CRLF2: variants seen among roughly 807,000 people sequenced by gnomAD.
The protein encoded by CRLF2 is cytokine receptor-like factor 2.
CRLF2 carries 41 observed loss-of-function variants against 38.7 expected under a neutral mutation model. That is an observed-to-expected ratio of 1.06 (90% CI 0.83 to 1.37). CRLF2 has a LOEUF of 1.37. Among genes scored for constraint, CRLF2 ranks in the 40% most tolerant of loss-of-function variants. The probability of loss-of-function intolerance (pLI) is 0.00; values close to 1 mark genes in which losing one functional copy is unlikely to be tolerated. For synonymous variants in CRLF2, 140 were observed against 128.8 expected (o/e 1.09, Z -0.59); for missense variants, 377 against 322.2 (o/e 1.17, Z -1.30).
chrX:1,192,204 C>CAAAAAAA (rs1214481830), intron 7 of CRLF2, among the ~76,000 whole-genome samples: 12 of 78,792 alleles, frequency 1.5e-4, no homozygotes, highest in African/African-American at 5.6e-4. Flanking sequence ...GACTCCGTCT[C>CAAAAAAA]AAAAAAAAAA....
intron 7 of CRLF2, among the ~76,000 whole-genome samples, 198 bp from the exon 8 acceptor site, chrX:1,191,358 T>TTCCTTCCTTCC (rs2086376536): frequency 9.6e-6 from 1 of 103,830 alleles, no homozygotes; most frequent in African/African-American, 3.4e-5. Flanking sequence ...TCTTTCTTTC[T>TTCCTTCCTTCC]TTCCTTTCTT....
chrX:1,203,512 G>A (rs1389678244), intron 3 of CRLF2, among the ~76,000 whole-genome samples: 1 of 152,024 alleles, frequency 6.6e-6, no homozygotes, highest in Admixed American at 6.6e-5. Context: ...AGGACCTTGA[G>A]GTGAGATCAT....
At chrX:1,203,260 A>C (rs1315502828) in intron 3 of CRLF2, among the ~76,000 whole-genome samples, 2 of 152,058 alleles carry the variant, frequency 1.3e-5, no homozygotes, top group African/African-American at 4.8e-5. Context: ...GACACAGAGG[A>C]GGAGGCCACG....
At chrX:1,192,679 CTTTT>C (rs1209378591) in intron 7 of CRLF2, among the ~76,000 whole-genome samples, 2 of 143,748 alleles carry the variant, frequency 1.4e-5, no homozygotes, top group East Asian at 2.0e-4. Flanking sequence ...CTTTCTCTTT[CTTTT>C]TCTCTTTCTT....
chrX:1,212,447 G>GAAA, intron 1 of CRLF2, 109 bp downstream of exon 1: 3 of 511,150 alleles, frequency 5.9e-6, no homozygotes, highest in Admixed American at 4.0e-5. Context: ...AAGAAAAGAA[G>GAAA]AAAGAAACCT....
Position 1,198,895 on chromosome X carries a change from A to T in CRLF2, c.484-171T>A, listed in dbSNP as rs1354305654. The T allele has an allele frequency of 5.8e-6, 4 of 684,234 alleles. No homozygotes were observed. In the African/African-American group the frequency reaches 7.1e-5, roughly 12 times the overall value. 42.4% of individuals were successfully genotyped at this position (684,234 alleles called of 1,614,324 possible). ...CGGACACAGTGGCTCACTCCTGTAA[A>T]CCCAACGCTTTGGGAGGCTGAGGCG... On this transcript the variant is annotated intron_variant, in intron 4 of 7. Transcript: ENST00000400841.
At chrX:1,206,320 A>C in intron 3 of CRLF2, 113 bp downstream of exon 3, 2 of 915,054 alleles carry the variant, frequency 2.2e-6, no homozygotes, top group Middle Eastern at 2.8e-4. Flanking sequence ...GCTTCTCAAT[A>C]GTTAACGGTA....
In CRLF2 at chrX:1,198,659, G is replaced by A; in HGVS notation, c.549C>T (p.Phe183=). The change falls in exon 5 of 8, where the codon TTC becomes TTT. Residue 183 remains phenylalanine, a synonymous_variant. Coordinates refer to ENST00000400841, the MANE Select transcript of CRLF2 (RefSeq NM_022148.4). ...EGLDAEKCYS[F]WVRVKAMEDV... is the part of the protein sequence containing the mutation. The stretch of plus-strand genomic sequence containing the variant: ...CCTCCATAGCCTTCACCCTGACCCA[G>A]AAAGAGTAACACTTCTCGGCATCCA... 4 of 1,613,370 alleles carry A rather than the reference G, an allele frequency of 2.5e-6. No individual in the cohort carries two copies. Among genetic ancestry groups the A allele is most frequent in the Non-Finnish European group, 3.4e-6 (4 of 1,179,648 alleles).
intron 4 of CRLF2, 90 bp from the exon 5 acceptor site, chrX:1,198,814 G>A: frequency 2.3e-6 from 3 of 1,291,580 alleles, no homozygotes; most frequent in Non-Finnish European, 3.3e-6. Flanking sequence ...TCTGTCCAGA[G>A]TTTTCCTTCC....
intron 1 of CRLF2, among the ~76,000 whole-genome samples, chrX:1,210,352 C>T (rs1202601630): frequency 2.6e-5 from 4 of 152,000 alleles, no homozygotes; most frequent in South Asian, 2.1e-4. Context: ...CTCGCTCTGT[C>T]GCCCACGCTG....
At position 1,192,741 on chromosome X, in the gene CRLF2, TTTCTTTCTTTC is replaced by T. The variant is rs1407852374; in HGVS notation, c.852+466_852+476del. On this transcript the variant is annotated intron_variant, in intron 7 of 7. Coordinates refer to ENST00000400841, the MANE Select transcript of CRLF2 (RefSeq NM_022148.4). The stretch of plus-strand genomic sequence containing the variant: ...CTTTCTTTCTTTCTTTCTTTCTTTC[TTTCTTTCTTTC>T]TTTCTTTCTTTCTTTCCTTCCTTCC... Among the ~76,000 whole-genome samples, 12 of 143,654 alleles carry T rather than the reference TTTCTTTCTTTC, an allele frequency of 8.4e-5. No homozygotes were observed. In the East Asian group the frequency reaches 1.8e-3, roughly 22 times the overall value. 94.2% of individuals were successfully genotyped at this position (143,654 alleles called of 152,430 possible).
intron 3 of CRLF2, 132 bp from the exon 4 acceptor site, chrX:1,202,667 C>T: frequency 9.6e-7 from 1 of 1,044,686 alleles, no homozygotes; most frequent in Non-Finnish European, 1.4e-6. Flanking sequence ...GTTCACCCGT[C>T]CTCATTACTT....
intron 2 of CRLF2, among the ~76,000 whole-genome samples, chrX:1,207,959 C>T (rs2086722431): frequency 6.6e-6 from 1 of 152,160 alleles, no homozygotes; most frequent in African/African-American, 2.4e-5. Flanking sequence ...TTTCCCTGTT[C>T]TGTACGCTTT....
chrX:1,194,690 G>T (rs2086447613), intron 6 of CRLF2, among the ~76,000 whole-genome samples: 1 of 152,052 alleles, frequency 6.6e-6, no homozygotes. Context: ...ATAGTAAAAT[G>T]AGGTCACTAG....
intron 7 of CRLF2, 133 bp from the exon 8 acceptor site, chrX:1,191,293 T>TTCTC (rs1299991576): frequency 1.0e-5 from 3 of 290,492 alleles, no homozygotes; most frequent in African/African-American, 3.3e-5. Flanking sequence ...TTCTTTTCTT[T>TTCTC]TCTCTTTCTT....
intron 6 of CRLF2, among the ~76,000 whole-genome samples, chrX:1,194,642 A>T (rs1194952663): frequency 1.3e-5 from 2 of 152,106 alleles, no homozygotes; most frequent in African/African-American, 4.8e-5. Flanking sequence ...TCACAACGAG[A>T]CTATATTTGG....
At chrX:1,210,561 C>T (rs1186371243) in intron 1 of CRLF2, among the ~76,000 whole-genome samples, 3 of 152,086 alleles carry the variant, frequency 2.0e-5, no homozygotes, top group South Asian at 2.1e-4. Flanking sequence ...CCGCCCACCT[C>T]GGCCTCCCAA....
rs1227550263 is a variant in CRLF2 at position 1,191,549 on chromosome X, G to T, written c.853-389C>A. Among the ~76,000 whole-genome samples, 514 of 133,178 alleles carry T rather than the reference G, an allele frequency of 3.9e-3. 2 individuals are homozygous for T. The highest frequency in any genetic ancestry group is 5.6e-3 in the Non-Finnish European group (355 of 62,916). The allele number at this position is 133,178 out of a possible 152,430, so 87.4% of individuals were successfully genotyped here. A position where few individuals can be genotyped will look rare whatever the true frequency, so the allele number is the denominator to read the frequency against. On this transcript the variant is annotated intron_variant, in intron 7 of 7. Coordinates refer to ENST00000400841, the MANE Select transcript of CRLF2 (RefSeq NM_022148.4). ...ACCAAAAATAAATTTTTTTTTTTTT[G>T]AGACGGCATTTCGCTCTTGTTTCCC... is the stretch of plus-strand genomic sequence containing the variant.
chrX:1,191,349 CTTT>C (rs2086375966), intron 7 of CRLF2, among the ~76,000 whole-genome samples, 189 bp from the exon 8 acceptor site: 2 of 107,452 alleles, frequency 1.9e-5, no homozygotes, highest in African/African-American at 3.1e-5. Flanking sequence ...TTCTTTCCTT[CTTT>C]CTTTCTTTCC....
Sources: gnomAD v4.1 joint callset for allele counts (sites outside exome capture counted in the v4.1 genomes callset) on GRCh38, gnomAD v4.1.1 for gene constraint, MANE v1.5 for transcripts, NCBI Gene and HGNC (gene_info 2026-07-23, HGNC 2026-07-21) for gene names.